Variants in CEBPZ observed in about 807,000 individuals in gnomAD.
CEBPZ encodes the protein CCAAT enhancer binding protein zeta.
In CEBPZ, 78 loss-of-function variants were observed where a neutral mutation model predicts 104.5. That is an observed-to-expected ratio of 0.75 (90% CI 0.62 to 0.90). The LOEUF is 0.90. CEBPZ is among the 40% of genes least tolerant of loss of function. CEBPZ has a pLI of 0.00. For synonymous variants in CEBPZ, 470 were observed against 427.0 expected (o/e 1.10, Z -1.24); for missense variants, 1,439 against 1,233.5 (o/e 1.17, Z -2.50).
At chr2:37,222,074 A>C (rs553405250) in intron 4 of CEBPZ, among the ~76,000 whole-genome samples, 1 of 152,326 alleles carries the variant, frequency 6.6e-6, no homozygotes, top group African/African-American at 2.4e-5. Flanking sequence ...ACCTGAGGTC[A>C]GGAGTTTGAG....
At chr2:37,229,095 T>C in intron 1 of CEBPZ, 59 bp from the exon 2 acceptor site, 1 of 1,323,300 alleles carries the variant, frequency 7.6e-7, no homozygotes. Flanking sequence ...AACCATAAAA[T>C]AATAGGAAAC....
intron 2 of CEBPZ, 47 bp downstream of exon 2, chr2:37,227,497 C>A (rs960667114): frequency 1.2e-5 from 19 of 1,540,542 alleles, no homozygotes; most frequent in Non-Finnish European, 1.7e-5. Flanking sequence ...TGCTGTACTA[C>A]ATCAAGTTAT....
chr2:37,211,174 G>A (rs1677710201), intron 12 of CEBPZ, 92 bp from the exon 13 acceptor site: 1 of 810,406 alleles, frequency 1.2e-6, no homozygotes, highest in Admixed American at 2.4e-5. Flanking sequence ...TTATTCTGAT[G>A]GTAAGGCACT....
At chr2:37,201,946 G>C in intron 15 of CEBPZ, 43 bp from the exon 16 acceptor site, 12 of 1,568,478 alleles carry the variant, frequency 7.7e-6, no homozygotes, top group Non-Finnish European at 1.0e-5. Flanking sequence ...CCACACTGTA[G>C]ACTCTTGGTG....
chr2:37,224,318 A>ATTAGGTTGG (rs1477871041), intron 2 of CEBPZ, among the ~76,000 whole-genome samples: 3 of 152,236 alleles, frequency 2.0e-5, no homozygotes, highest in Non-Finnish European at 4.4e-5. Flanking sequence ...CAACCGGTCT[A>ATTAGGTTGG]GACCTGCAGA....
chr2:37,218,897 T>C (rs1271202765), intron 5 of CEBPZ, among the ~76,000 whole-genome samples: 2 of 152,204 alleles, frequency 1.3e-5, no homozygotes, highest in African/African-American at 4.8e-5. Context: ...ACATTGTGCA[T>C]TGGTCATTGG....
At position 37,231,553 on chromosome 2, in the gene CEBPZ, C is replaced by T. The variant is rs747624594; in HGVS notation, c.15G>A (p.Lys5=). MAAV[K]EPLEFHAKRP... ...GCTTGGCATGGAACTCCAAAGGCTC[C>T]TTGACTGCGGCCATGGCGGGCAAAG... The change falls in exon 1 of 16, where the codon AAG becomes AAA. Residue 5 remains lysine (K), a synonymous_variant. Transcript: ENST00000234170. 6.2e-7 allele frequency: 1 copy of T among 1,614,248 alleles called. No homozygotes were observed. The highest frequency in any genetic ancestry group is 8.5e-7 in the Non-Finnish European group (1 of 1,180,046).
In CEBPZ at chr2:37,206,005, G is replaced by A. The variant is rs1169302422; in HGVS notation, c.2885-2997C>T. On this transcript the variant is annotated intron_variant, in intron 13 of 15. Transcript: ENST00000234170. ...AATGCAAGGCTTTTATAATTGAATGGTTTAAAAATGAATGAGCAGAGATTA... is the reference window on the plus strand; with the variant it reads ...AATGCAAGGCTTTTATAATTGAATGATTTAAAAATGAATGAGCAGAGATTA... Among the ~76,000 whole-genome samples, 3 of 152,336 alleles carry A rather than the reference G, an allele frequency of 2.0e-5. No homozygotes were observed. The East Asian group carries it at 5.8e-4, about 29-fold the overall frequency.
chr2:37,230,665 G>A (rs577869338), intron 1 of CEBPZ, among the ~76,000 whole-genome samples: 180 of 152,190 alleles, frequency 1.2e-3, no homozygotes, highest in Admixed American at 5.0e-3. Context: ...CCTGCCCTCT[G>A]ACCCCTCGGC....
At position 37,228,407 on chromosome 2, in the gene CEBPZ, T is replaced by A. The variant is rs1485501860; in HGVS notation, c.786A>T (p.Thr262=). The A allele has an allele frequency of 9.3e-6, 15 of 1,614,096 alleles. No individual in the cohort carries two copies. Among genetic ancestry groups the A allele is most frequent in the Non-Finnish European group, 1.2e-5 (14 of 1,180,052 alleles). Residue 262 remains threonine (T), a synonymous_variant, in exon 2 of 16, where the codon ACA becomes ACT. Coordinates refer to ENST00000234170, the MANE Select transcript of CEBPZ (RefSeq NM_005760.3). ...ILLIQDDAVH[T]LQFVETLVNL... is the part of the protein sequence containing the mutation. ...TCACAAGAGTTTCTACAAACTGAAG[T>A]GTGTGAACGGCATCATCCTGAATAA...
intron 13 of CEBPZ, 161 bp downstream of exon 13, chr2:37,210,838 C>T (rs1572497501): frequency 2.0e-6 from 1 of 490,392 alleles, no homozygotes; most frequent in East Asian, 3.3e-5. Context: ...AGAAACAATT[C>T]AAAATGTGGA....
chr2:37,223,160 T>A lies in CEBPZ; in HGVS notation c.1881+10A>T. On this transcript the variant is annotated intron_variant, in intron 3 of 15. Transcript: ENST00000234170. ...ACCCACTCAATTTAAAAAGCAGTTGTAAAATATACCGGATGATCATCTAGT... is the reference window on the plus strand; with the variant it reads ...ACCCACTCAATTTAAAAAGCAGTTGAAAAATATACCGGATGATCATCTAGT... The A allele has an allele frequency of 6.2e-7, 1 of 1,604,738 alleles. No homozygotes were observed. The highest frequency in any genetic ancestry group is 1.1e-5 in the South Asian group (1 of 90,088).
At chr2:37,222,688 A>AT in intron 3 of CEBPZ, 125 bp from the exon 4 acceptor site, 1 of 601,534 alleles carries the variant, frequency 1.7e-6, no homozygotes, top group Non-Finnish European at 2.7e-6. Flanking sequence ...AGTTCTAATA[A>AT]AGTAAAATGA....
chr2:37,225,858 G>C (rs1455118420), intron 2 of CEBPZ, among the ~76,000 whole-genome samples: 1 of 91,022 alleles, frequency 1.1e-5, no homozygotes, highest in Non-Finnish European at 2.2e-5. Context: ...TATAAAACCC[G>C]ATTGTATGCT....
chr2:37,226,439 A>C (rs902474596), intron 2 of CEBPZ, among the ~76,000 whole-genome samples: 3 of 152,236 alleles, frequency 2.0e-5, no homozygotes, highest in African/African-American at 7.2e-5. Context: ...TAACACACAT[A>C]ACCTCCCAAC....
rs1352355394 is a variant in CEBPZ, at chr2:37,216,343, G to A, written c.2284C>T (p.Arg762Ter). 6.2e-6 allele frequency: 10 copies of A among 1,613,566 alleles called. No homozygotes were observed. The highest frequency in any genetic ancestry group is 3.3e-5 in the Admixed American group (2 of 59,970). Reference sequence around the variant, plus strand: ...TTGCCTTTATGGGGCTTTGGATTTCGGTATACAAATCGATCCAAAAATCTC... The same window carrying A: ...TTGCCTTTATGGGGCTTTGGATTTCAGTATACAAATCGATCCAAAAATCTC... The part of the protein sequence containing the change: ...LMRFLDRFVY[R>*]NPKPHKGKEN... The change falls in exon 7 of 16, where the codon CGA becomes TGA. Residue 762 changes from arginine (R) to a stop codon, truncating the protein, a stop_gained. Coordinates refer to ENST00000234170, the MANE Select transcript of CEBPZ (RefSeq NM_005760.3). LOFTEE classifies it high-confidence loss of function.
chr2:37,226,302 T>C (rs565336925), intron 2 of CEBPZ, among the ~76,000 whole-genome samples: 3 of 152,236 alleles, frequency 2.0e-5, no homozygotes, highest in Non-Finnish European at 2.9e-5. Context: ...ACTGGAGAGC[T>C]GTTAAGAGGA....
At chr2:37,227,140 G>C (rs1357721472) in intron 2 of CEBPZ, among the ~76,000 whole-genome samples, 3 of 152,218 alleles carry the variant, frequency 2.0e-5, no homozygotes, top group Admixed American at 6.5e-5. Context: ...TCAACTGTGT[G>C]AAAGACAGCA....
At position 37,202,860 on chromosome 2, in the gene CEBPZ, G is replaced by T; in HGVS notation, c.2949C>A (p.Gly983=). The change falls in exon 15 of 16, where the codon GGC becomes GGA. Residue 983 remains glycine, a synonymous_variant. Transcript: ENST00000234170. ...ATCCCATATTTTCATCCAATAGATG[G>T]CCAAACTTTTAAACAAAAACGATAA... ...SSLFVSAEEF[G]HLLDENMGSK... The T allele has an allele frequency of 1.2e-5, 19 of 1,599,876 alleles. No individual in the cohort carries two copies. The highest frequency in any genetic ancestry group is 1.4e-5 in the Non-Finnish European group (17 of 1,173,454).
Sources: allele counts gnomAD v4.1 joint callset (sites outside exome capture counted in the v4.1 genomes callset), GRCh38; gene constraint gnomAD v4.1.1; transcripts MANE v1.5; gene names NCBI Gene and HGNC (gene_info 2026-07-23, HGNC 2026-07-21).